The following METTL25 variants were observed in gnomAD, a reference collection of about 807,000 sequenced individuals.
METTL25 encodes probable methyltransferase-like protein 25.
A neutral mutation model predicts 71.6 loss-of-function variants in METTL25; 64 were observed. That is an observed-to-expected ratio of 0.89 (90% CI 0.73 to 1.10). The LOEUF (loss-of-function observed/expected upper bound fraction) is 1.10, where lower values mean the gene tolerates loss of function less well. Among genes scored for constraint, METTL25 ranks in the 50% least tolerant of loss-of-function variants. The probability of loss-of-function intolerance (pLI) is 0.00; values close to 1 mark genes in which losing one functional copy is unlikely to be tolerated. For missense variants in METTL25, 807 were observed against 707.0 expected, an observed-to-expected ratio of 1.14 and a Z score of -1.60; for synonymous variants, 287 against 250.3, an observed-to-expected ratio of 1.15 and a Z score of -1.38.
At chr12:82,417,132 A>G (rs980118144) in intron 5 of METTL25, among the ~76,000 whole-genome samples, 1 of 152,136 alleles carries the variant, frequency 6.6e-6, no homozygotes, top group Non-Finnish European at 1.5e-5. Flanking sequence ...CAGTCCTTAA[A>G]GAGAATAACA....
chr12:82,408,623 T>TGTGTGTGTGA (rs908817034), intron 5 of METTL25, among the ~76,000 whole-genome samples: 2 of 151,690 alleles, frequency 1.3e-5, no homozygotes, highest in Non-Finnish European at 2.9e-5. Context: ...TGTGTGTGTG[T>TGTGTGTGTGA]GTGAAGGCAG....
chr12:82,358,551 C>G lies in METTL25; in HGVS notation c.-15C>G. On this transcript the variant is annotated 5_prime_UTR_variant, in exon 1 of 12. Coordinates refer to ENST00000248306, the MANE Select transcript of METTL25 (RefSeq NM_032230.3). The stretch of plus-strand genomic sequence containing the variant: ...GCCATGTTTGCGCCACCTACAGCCT[C>G]GGAGGGTGAGCGTCATGGCGGCTTC... 1 of 1,607,732 alleles carries G rather than the reference C, an allele frequency of 6.2e-7. No individual in the cohort carries two copies. Among genetic ancestry groups the G allele is most frequent in the Non-Finnish European group, 8.5e-7 (1 of 1,178,832 alleles).
chr12:82,416,587 C>G (rs918761745), intron 5 of METTL25, among the ~76,000 whole-genome samples: 1 of 151,572 alleles, frequency 6.6e-6, no homozygotes, highest in Non-Finnish European at 1.5e-5. Flanking sequence ...ACTACTGGTG[C>G]GTGACACCAC....
chr12:82,477,190 G>A (rs1892923308), intron 10 of METTL25, 91 bp from the exon 11 acceptor site: 2 of 594,674 alleles, frequency 3.4e-6, no homozygotes, highest in East Asian at 2.8e-5. Flanking sequence ...AACTTCTGTA[G>A]ATACATTTAT....
At chr12:82,409,845 G>T (rs1232821814) in intron 5 of METTL25, among the ~76,000 whole-genome samples, 1 of 152,036 alleles carries the variant, frequency 6.6e-6, no homozygotes, top group Non-Finnish European at 1.5e-5. Flanking sequence ...ACAGTAGAGG[G>T]TCACGAATCA....
intron 5 of METTL25, 42 bp downstream of exon 5, chr12:82,403,172 A>G (rs892721391): frequency 1.3e-6 from 2 of 1,547,508 alleles, no homozygotes; most frequent in African/African-American, 2.8e-5. Context: ...TCATTTGAGC[A>G]TAATGAAATA....
intron 1 of METTL25, among the ~76,000 whole-genome samples, chr12:82,370,902 G>A (rs1051434185): frequency 6.6e-6 from 1 of 152,132 alleles, no homozygotes; most frequent in Non-Finnish European, 1.5e-5. Flanking sequence ...GGCTTCAGCT[G>A]TGTAAGACTG....
chr12:82,460,881 C>T (rs564421244), intron 9 of METTL25, among the ~76,000 whole-genome samples: 3 of 152,338 alleles, frequency 2.0e-5, no homozygotes, highest in Non-Finnish European at 2.9e-5. Flanking sequence ...CGGTAGCTCA[C>T]GCCTGTAATC....
chr12:82,469,904 A>G (rs1379197421), intron 9 of METTL25, among the ~76,000 whole-genome samples: 1 of 152,172 alleles, frequency 6.6e-6, no homozygotes, highest in Non-Finnish European at 1.5e-5. Context: ...GTGAGTCTCT[A>G]GCTCAAAACT....
At chr12:82,459,141 G>A (rs1891692026) in intron 9 of METTL25, among the ~76,000 whole-genome samples, 1 of 152,058 alleles carries the variant, frequency 6.6e-6, no homozygotes, top group Non-Finnish European at 1.5e-5. Flanking sequence ...AAGAGACAGA[G>A]CAAGCATCAG....
intron 1 of METTL25, among the ~76,000 whole-genome samples, chr12:82,370,293 G>A (rs115444839): frequency 0.058 from 8,813 of 152,222 alleles, 348 homozygotes; most frequent in African/African-American, 0.11. Flanking sequence ...GATCCTAGAG[G>A]AAACAGATTT....
chr12:82,439,890 A>ATT, intron 8 of METTL25: 2 of 834,406 alleles, frequency 2.4e-6, no homozygotes, highest in Non-Finnish European at 2.9e-6. Flanking sequence ...TGACTTCTTA[A>ATT]ATTTGTTTCT....
intron 7 of METTL25, 126 bp from the exon 8 acceptor site, chr12:82,438,591 AT>A (rs1318358408): frequency 2.2e-6 from 1 of 451,252 alleles, no homozygotes; most frequent in African/African-American, 2.0e-5. Context: ...TGGAAAAATT[AT>A]TAAGTCATCC....
intron 5 of METTL25, among the ~76,000 whole-genome samples, chr12:82,406,297 G>A (rs560201894): frequency 1.3e-5 from 2 of 151,984 alleles, no homozygotes; most frequent in South Asian, 2.1e-4. Flanking sequence ...ATTTAGAATA[G>A]AAAATTCAAA....
At chr12:82,411,272 A>G (rs1404046029) in intron 5 of METTL25, among the ~76,000 whole-genome samples, 3 of 152,046 alleles carry the variant, frequency 2.0e-5, no homozygotes, top group Non-Finnish European at 4.4e-5. Flanking sequence ...AGTAGTAGGA[A>G]GAGAGTACAT....
At chr12:82,403,157 T>G (rs1886789928) in intron 5 of METTL25, 27 bp downstream of exon 5, 1 of 1,587,296 alleles carries the variant, frequency 6.3e-7, no homozygotes. Flanking sequence ...TGTCATAATT[T>G]TTATTCATTT....
intron 1 of METTL25, among the ~76,000 whole-genome samples, chr12:82,360,408 T>C (rs1402238516): frequency 6.6e-6 from 1 of 151,970 alleles, no homozygotes; most frequent in Non-Finnish European, 1.5e-5. Flanking sequence ...GCAAGGGATA[T>C]AGCTGATAAT....
chr12:82,417,421 A>G (rs1888078231), intron 5 of METTL25, among the ~76,000 whole-genome samples: 1 of 152,164 alleles, frequency 6.6e-6, no homozygotes, highest in African/African-American at 2.4e-5. Flanking sequence ...TCACATTATA[A>G]AATGAGTTCT....
chr12:82,387,501 T>TAA (rs955168288), intron 2 of METTL25, among the ~76,000 whole-genome samples: 1 of 147,158 alleles, frequency 6.8e-6, no homozygotes, highest in Non-Finnish European at 1.5e-5. Context: ...AGGCTGTGGT[T>TAA]AAAAAAAAAA....
Sources: allele counts gnomAD v4.1 joint callset (sites outside exome capture counted in the v4.1 genomes callset), GRCh38; gene constraint gnomAD v4.1.1; transcripts MANE v1.5; gene names NCBI Gene and HGNC (gene_info 2026-07-23, HGNC 2026-07-21).